The following GABRB1 variants were observed in gnomAD, a reference collection of about 807,000 sequenced individuals.
GABRB1 encodes gamma-aminobutyric acid receptor subunit beta-1.
Under a neutral mutation model 51.6 loss-of-function variants are expected in GABRB1, and 17 were observed. The ratio of observed to expected loss-of-function variants is 0.33; its 90% confidence interval spans 0.23 to 0.49. The LOEUF is 0.49. GABRB1 is among the 20% of genes least tolerant of loss of function. The pLI is 0.99. For synonymous variants in GABRB1, 247 were observed against 218.9 expected, an observed-to-expected ratio of 1.13 and a Z score of -1.14; for missense variants, 410 against 600.6, an observed-to-expected ratio of 0.68 and a Z score of 3.32.
chr4:47,165,350 A>G (rs1718135875), intron 4 of GABRB1, among the ~76,000 whole-genome samples: 1 of 151,632 alleles, frequency 6.6e-6, no homozygotes, highest in Non-Finnish European at 1.5e-5. Context: ...CCCTCTCTTC[A>G]GTTTCTGCTT....
At position 47,425,911 on chromosome 4, in the gene GABRB1, A is replaced by G. The variant is rs764947763; in HGVS notation, c.1318A>G (p.Ile440Val). 1.2e-6 allele frequency: 2 copies of G among 1,614,110 alleles called. No individual in the cohort carries two copies. Among genetic ancestry groups the G allele is most frequent in the Admixed American group, 1.7e-5 (1 of 60,024 alleles). The change falls in exon 9 of 9, where the codon ATC becomes GTC. Residue 440 changes from isoleucine to valine, a missense_variant. Coordinates refer to ENST00000295454, the MANE Select transcript of GABRB1 (RefSeq NM_000812.4). ...RRRASQLKVK[I>V]PDLTDVNSID... Reference sequence around the variant, plus strand: ...GCGTGCCTCCCAGCTCAAAGTCAAGATCCCCGACTTGACTGATGTGAATTC... The same window carrying G: ...GCGTGCCTCCCAGCTCAAAGTCAAGGTCCCCGACTTGACTGATGTGAATTC...
chr4:47,101,014 G>C (rs1005633737), intron 3 of GABRB1, among the ~76,000 whole-genome samples: 1 of 151,958 alleles, frequency 6.6e-6, no homozygotes, highest in African/African-American at 2.4e-5. Flanking sequence ...AGGCTCGAAG[G>C]TTAGGTTGCA....
At chr4:47,330,220 G>T (rs957539860) in intron 5 of GABRB1, among the ~76,000 whole-genome samples, 1 of 152,108 alleles carries the variant, frequency 6.6e-6, no homozygotes. Context: ...CGTTGTGGGG[G>T]GCAAGCTGCT....
At position 47,009,024 on chromosome 4, in the gene GABRB1, C is replaced by T. The variant is rs549841428; in HGVS notation, c.-20+15098C>T. 2.3e-3 allele frequency among the ~76,000 whole-genome samples: 344 copies of T among 148,344 alleles called. 2 individuals are homozygous for T. The highest frequency in any genetic ancestry group is 7.7e-3 in the African/African-American group (314 of 40,530). On this transcript the variant is annotated intron_variant, in intron 1 of 3. Transcript: ENST00000513567. ...GACTACAGGCGCCCACCACCACGCC[C>T]GGCTAATTTTTTGTATTTTTTAGTA...
At chr4:47,001,267 C>A (rs1039559680) in intron 1 of GABRB1, among the ~76,000 whole-genome samples, 3 of 151,980 alleles carry the variant, frequency 2.0e-5, no homozygotes, top group South Asian at 2.1e-4. Flanking sequence ...CTCAGCCTCC[C>A]GAGTAGCTGG....
chr4:47,017,655 T>C (rs1577828626), intron 1 of GABRB1, among the ~76,000 whole-genome samples: 1 of 152,020 alleles, frequency 6.6e-6, no homozygotes, highest in African/African-American at 2.4e-5. Flanking sequence ...CACACAAGCA[T>C]GCTGGCTTCT....
intron 4 of GABRB1, among the ~76,000 whole-genome samples, chr4:47,261,206 T>C (rs530061873): frequency 6.6e-6 from 1 of 152,040 alleles, no homozygotes; most frequent in Non-Finnish European, 1.5e-5. Context: ...CCAGGGCAAT[T>C]AGGCAGAAGG....
intron 4 of GABRB1, among the ~76,000 whole-genome samples, chr4:47,234,122 C>T (rs921024114): frequency 1.3e-5 from 2 of 152,048 alleles, no homozygotes; most frequent in Non-Finnish European, 2.9e-5. Context: ...TTTATAAGAA[C>T]TTAATAAGAC....
At position 47,049,030 on chromosome 4, in the gene GABRB1, G is replaced by A. The variant is rs141563592; in HGVS notation, c.240+16546G>A. Among the ~76,000 whole-genome samples the A allele has an allele frequency of 5.1e-3, 767 of 150,132 alleles. 3 individuals are homozygous for A. Among genetic ancestry groups the A allele is most frequent in the African/African-American group, 0.018 (720 of 40,766 alleles). ...ACCTAGGGTTACTGTCATAGACAGA[G>A]CCTTTCCTCTTAATCTTTTCATGAT... On this transcript the variant is annotated intron_variant, in intron 3 of 8. Transcript: ENST00000295454.
rs908176833 is a variant in GABRB1, at chr4:47,031,660, A to T, written c.9A>T (p.Thr3=). 1 of 1,612,392 alleles carries T rather than the reference A, an allele frequency of 6.2e-7. No homozygotes were observed. The highest frequency in any genetic ancestry group is 8.5e-7 in the Non-Finnish European group (1 of 1,178,482). The change falls in exon 1 of 9, where the codon ACA becomes ACT. Residue 3 remains threonine (T), a synonymous_variant. Transcript: ENST00000295454. MW[T]VQNRESLGLL... is the part of the protein sequence containing the mutation. ...TTTAATCAGAGTTAGTAATGTGGACAGTACAAAATCGAGAGAGTCTGGGGC... is the reference window on the plus strand; with the variant it reads ...TTTAATCAGAGTTAGTAATGTGGACTGTACAAAATCGAGAGAGTCTGGGGC...
chr4:47,380,618 A>G (rs1348437803), intron 5 of GABRB1, among the ~76,000 whole-genome samples: 1 of 152,222 alleles, frequency 6.6e-6, no homozygotes, highest in African/African-American at 2.4e-5. Flanking sequence ...CTGAAAAGAT[A>G]AAAATGGAAA....
chr4:47,307,917 C>T (rs1257979371), intron 4 of GABRB1, among the ~76,000 whole-genome samples: 1 of 151,890 alleles, frequency 6.6e-6, no homozygotes, highest in African/African-American at 2.4e-5. Context: ...AAAAATATTA[C>T]AATATCCAAC....
chr4:47,157,710 G>T (rs1453162485), intron 3 of GABRB1, among the ~76,000 whole-genome samples: 4 of 151,872 alleles, frequency 2.6e-5, no homozygotes, highest in Middle Eastern at 3.2e-3. Flanking sequence ...AGGAGAAATT[G>T]GTGTATTTTA....
intron 5 of GABRB1, among the ~76,000 whole-genome samples, chr4:47,354,438 T>G (rs1726476793): frequency 6.6e-6 from 1 of 152,216 alleles, no homozygotes; most frequent in Admixed American, 6.5e-5. Context: ...ACATCTCTTC[T>G]TAAACACACA....
At chr4:47,078,589 G>A (rs1727674803) in intron 3 of GABRB1, among the ~76,000 whole-genome samples, 1 of 152,068 alleles carries the variant, frequency 6.6e-6, no homozygotes, top group African/African-American at 2.4e-5. Flanking sequence ...TCCTTCCTAT[G>A]TGTCATTTAG....
chr4:47,047,408 C>T (rs930859690), intron 3 of GABRB1, among the ~76,000 whole-genome samples: 1 of 151,958 alleles, frequency 6.6e-6, no homozygotes, highest in Non-Finnish European at 1.5e-5. Context: ...ATTATTATCC[C>T]TATTTTACAG....
At chr4:47,176,968 G>C (rs1051269397) in intron 4 of GABRB1, among the ~76,000 whole-genome samples, 10 of 152,104 alleles carry the variant, frequency 6.6e-5, no homozygotes, top group African/African-American at 2.4e-4. Flanking sequence ...CAGATAGCTG[G>C]AAAATAACTG....
At chr4:47,333,193 TTTATATA>T (rs1560337877) in intron 5 of GABRB1, among the ~76,000 whole-genome samples, 1 of 1,224 alleles carries the variant, frequency 8.2e-4, no homozygotes, top group African/African-American at 2.0e-3. Context: ...ACCCATTTTA[TTTATATA>T]TATATATATA....
chr4:47,129,109 G>T (rs1015567015), intron 3 of GABRB1, among the ~76,000 whole-genome samples: 44 of 152,234 alleles, frequency 2.9e-4, no homozygotes, highest in Admixed American at 1.6e-3. Context: ...AAGAGATTAA[G>T]ATTGGGGCAA....
Sources: gnomAD v4.1 joint callset for allele counts (sites outside exome capture counted in the v4.1 genomes callset) on GRCh38, gnomAD v4.1.1 for gene constraint, MANE v1.5 for transcripts, NCBI Gene and HGNC (gene_info 2026-07-23, HGNC 2026-07-21) for gene names.